GRID1: variants seen among roughly 807,000 people sequenced by gnomAD.
GRID1 encodes the protein glutamate ionotropic receptor delta type subunit 1, also known as glutamate receptor ionotropic, delta-1.
A neutral mutation model predicts 98.0 loss-of-function variants in GRID1; 28 were observed. The ratio of observed to expected loss-of-function variants is 0.29; its 90% CI spans 0.21 to 0.39. The LOEUF (loss-of-function observed/expected upper bound fraction) is 0.39. Ranked by LOEUF, GRID1 falls within the 10% of genes least tolerant of loss-of-function variation. The pLI, the probability that GRID1 is intolerant of heterozygous loss-of-function variation, is 1.00. For synonymous variants in GRID1, 553 were observed against 538.5 expected, an observed-to-expected ratio of 1.03 and a Z score of -0.37; for missense variants, 1,111 against 1,340.5, an observed-to-expected ratio of 0.83 and a Z score of 2.67.
intron 8 of GRID1, among the ~76,000 whole-genome samples, chr10:85,756,776 C>G (rs1272668978): frequency 6.6e-6 from 1 of 152,210 alleles, no homozygotes; most frequent in South Asian, 2.1e-4. Flanking sequence ...TGTATAGACA[C>G]AGGCATTTGG....
chr10:86,041,494 G>T (rs143290439), intron 4 of GRID1, among the ~76,000 whole-genome samples: 1 of 152,162 alleles, frequency 6.6e-6, no homozygotes, highest in Non-Finnish European at 1.5e-5. Context: ...CTGAAAAGAG[G>T]GGGCTTGCAG....
intron 4 of GRID1, among the ~76,000 whole-genome samples, chr10:86,114,498 A>C (rs1299033705): frequency 6.6e-6 from 1 of 152,168 alleles, no homozygotes. Flanking sequence ...TATTTGTCCA[A>C]GTCCTACAGC....
intron 2 of GRID1, among the ~76,000 whole-genome samples, chr10:86,337,698 CTTTTTT>C (rs57891044): frequency 8.2e-5 from 6 of 73,280 alleles, no homozygotes; most frequent in African/African-American, 2.9e-4. Flanking sequence ...CCTTTGGGAA[CTTTTTT>C]TTTTTTTTTT....
At chr10:86,028,408 C>T (rs1431228430) in intron 4 of GRID1, among the ~76,000 whole-genome samples, 2 of 152,198 alleles carry the variant, frequency 1.3e-5, no homozygotes, top group Non-Finnish European at 2.9e-5. Flanking sequence ...CTGGTATGGA[C>T]CGATTTACTG....
In GRID1 at chr10:85,969,851, G is replaced by A. The variant is rs1193543714; in HGVS notation, c.727-53612C>T. 2.6e-5 allele frequency among the ~76,000 whole-genome samples: 4 copies of A among 151,116 alleles called. No individual in the cohort carries two copies. In the East Asian group the frequency reaches 7.7e-4, roughly 29 times the overall value. On this transcript the variant is annotated intron_variant, in intron 4 of 15. Transcript: ENST00000327946. The stretch of plus-strand genomic sequence containing the variant: ...TAAGGAAATAATAAAGATTGGAATG[G>A]AAATAAATGAAATAGAGCATAGAAA...
chr10:85,813,394 T>C (rs990310501), intron 8 of GRID1, among the ~76,000 whole-genome samples: 30 of 151,304 alleles, frequency 2.0e-4, no homozygotes, highest in African/African-American at 5.1e-4. Flanking sequence ...GGAATCACCA[T>C]TGATTTCTCA....
intron 2 of GRID1, among the ~76,000 whole-genome samples, chr10:86,266,446 C>T (rs1589431695): frequency 6.6e-6 from 1 of 152,234 alleles, no homozygotes; most frequent in Admixed American, 6.5e-5. Context: ...CACTTCTACA[C>T]AGCTGAGGAG....
At chr10:85,908,301 T>A (rs1432616084) in intron 5 of GRID1, among the ~76,000 whole-genome samples, 1 of 152,178 alleles carries the variant, frequency 6.6e-6, no homozygotes, top group Non-Finnish European at 1.5e-5. Context: ...ATGGAATCTA[T>A]GAAAAACTCC....
intron 4 of GRID1, among the ~76,000 whole-genome samples, chr10:85,920,772 G>T (rs1420066234): frequency 6.6e-6 from 1 of 152,216 alleles, no homozygotes; most frequent in Admixed American, 6.5e-5. Flanking sequence ...GGGAGGGAAG[G>T]GGGGCCGGCC....
chr10:86,096,720 C>A (rs1844226211), intron 4 of GRID1, among the ~76,000 whole-genome samples: 1 of 152,204 alleles, frequency 6.6e-6, no homozygotes, highest in Admixed American at 6.5e-5. Flanking sequence ...AAGCAGCCAG[C>A]TTGACAGAAT....
At chr10:85,928,190 G>C (rs1841801738) in intron 4 of GRID1, among the ~76,000 whole-genome samples, 1 of 152,216 alleles carries the variant, frequency 6.6e-6, no homozygotes, top group Admixed American at 6.5e-5. Context: ...ACCAGGTGTG[G>C]TGGCTCACAC....
chr10:85,691,403 C>A (rs186889093), intron 12 of GRID1, among the ~76,000 whole-genome samples: 10 of 152,170 alleles, frequency 6.6e-5, no homozygotes, highest in East Asian at 3.9e-4. Flanking sequence ...CTGTGCATTA[C>A]CTCTCAATTT....
Position 85,842,034 on chromosome 10 carries a change from C to G in GRID1, c.1233+12462G>C, listed in dbSNP as rs1000622941. On this transcript the variant is annotated intron_variant, in intron 8 of 15. Coordinates refer to ENST00000327946, the MANE Select transcript of GRID1 (RefSeq NM_017551.3). ...AAAAACACATGCATGTGTATGTTCACTACAGCACAATTCACAATATCAAAG... is the reference window on the plus strand; with the variant it reads ...AAAAACACATGCATGTGTATGTTCAGTACAGCACAATTCACAATATCAAAG... Among the ~76,000 whole-genome samples, 8 of 152,098 alleles carry G rather than the reference C, an allele frequency of 5.3e-5. No individual in the cohort carries two copies. In the Middle Eastern group the frequency reaches 0.01, roughly 194 times the overall value.
At chr10:86,340,441 G>A (rs1340461278) in intron 2 of GRID1, among the ~76,000 whole-genome samples, 1 of 152,156 alleles carries the variant, frequency 6.6e-6, no homozygotes. Context: ...CCACCCAGAG[G>A]GCAGGATGCA....
intron 12 of GRID1, among the ~76,000 whole-genome samples, chr10:85,707,588 T>C (rs1841534866): frequency 6.6e-6 from 1 of 152,210 alleles, no homozygotes; most frequent in South Asian, 2.1e-4. Context: ...AGAAGTACCA[T>C]TTGACCCACC....
chr10:86,005,350 G>GAA (rs34746369), intron 4 of GRID1, among the ~76,000 whole-genome samples: 31 of 148,670 alleles, frequency 2.1e-4, no homozygotes, highest in South Asian at 6.4e-4. Flanking sequence ...AAAATAAATT[G>GAA]AAAAAAAAAA....
Position 86,366,673 on chromosome 10 carries a change from T to G in GRID1, c.-281A>C, listed in dbSNP as rs1196407810. ...GCGCGGCGGGGGCGGCCCGCGGCTG[T>G]GGCAGCGGCGCTTCCCGCGGCTAGA... On this transcript the variant is annotated 5_prime_UTR_variant, in exon 1 of 16. Coordinates refer to ENST00000327946, the MANE Select transcript of GRID1 (RefSeq NM_017551.3). This position sits in a 1 kb window ranked among gnomAD's most constrained non-coding sequence, Gnocchi z 4.1. Among the ~76,000 whole-genome samples, 3 of 148,770 alleles carry G rather than the reference T, an allele frequency of 2.0e-5. No individual in the cohort carries two copies. In the East Asian group the frequency reaches 5.9e-4, roughly 29 times the overall value.
At chr10:86,258,619 G>C (rs1459991452) in intron 2 of GRID1, among the ~76,000 whole-genome samples, 4 of 152,146 alleles carry the variant, frequency 2.6e-5, no homozygotes, top group African/African-American at 9.7e-5. Context: ...GCAGCTCTTA[G>C]AGCTTGTTCA....
chr10:85,956,580 T>A (rs1589312923), intron 4 of GRID1, among the ~76,000 whole-genome samples: 2 of 152,246 alleles, frequency 1.3e-5, no homozygotes, highest in Non-Finnish European at 1.5e-5. Context: ...TGGTTTGGGC[T>A]CATGCATGTG....
Sources: allele counts gnomAD v4.1 joint callset (sites outside exome capture counted in the v4.1 genomes callset), GRCh38; gene constraint gnomAD v4.1.1; non-coding constraint Gnocchi (gnomAD v3.1); transcripts MANE v1.5; gene names NCBI Gene and HGNC (gene_info 2026-07-23, HGNC 2026-07-21).